BNC2: variants seen among roughly 807,000 people sequenced by gnomAD.
BNC2 encodes basonuclin zinc finger protein 2, also known as zinc finger protein basonuclin-2.
In BNC2, 20 loss-of-function variants were observed where a neutral mutation model predicts 76.3. The ratio of observed to expected loss-of-function variants is 0.26; its 90% CI spans 0.18 to 0.38. The LOEUF (loss-of-function observed/expected upper bound fraction) is 0.38, where lower values mean the gene tolerates loss of function less well. BNC2 is among the 10% of genes least tolerant of loss of function. The pLI, the probability that BNC2 is intolerant of heterozygous loss-of-function variation, is 1.00. For synonymous variants in BNC2, 582 were observed against 514.8 expected (o/e 1.13, Z -1.77); for missense variants, 1,382 against 1,399.8 (o/e 0.99, Z 0.20).
chr9:16,496,878 C>A (rs1439390972), intron 5 of BNC2, among the ~76,000 whole-genome samples: 1 of 152,236 alleles, frequency 6.6e-6, no homozygotes, highest in Admixed American at 6.5e-5. Flanking sequence ...GGGCTAGGAT[C>A]TGGAAGGTGT....
chr9:16,868,794 T>G (rs1819603717), intron 1 of BNC2, among the ~76,000 whole-genome samples: 1 of 151,432 alleles, frequency 6.6e-6, no homozygotes, highest in African/African-American at 2.4e-5. Flanking sequence ...TCACAAGGGA[T>G]TGTGTGTGTG....
intron 3 of BNC2, among the ~76,000 whole-genome samples, chr9:16,693,127 C>CG (rs758059006): frequency 1.7e-5 from 1 of 60,472 alleles, no homozygotes; most frequent in Non-Finnish European, 2.7e-5. Context: ...AAGACAGTCT[C>CG]AAAAAAAAAA....
chr9:16,699,579 T>C (rs921423183), intron 3 of BNC2, among the ~76,000 whole-genome samples: 2 of 152,234 alleles, frequency 1.3e-5, no homozygotes, highest in African/African-American at 4.8e-5. Flanking sequence ...TGTGGCACTG[T>C]TGATAAACAG....
At chr9:16,839,948 T>C (rs760064238) in intron 1 of BNC2, among the ~76,000 whole-genome samples, 3 of 152,192 alleles carry the variant, frequency 2.0e-5, no homozygotes, top group Non-Finnish European at 2.9e-5. Context: ...CTCCTTCCAA[T>C]GACCCAAGCA....
At chr9:16,789,307 G>A (rs1254964296) in intron 1 of BNC2, among the ~76,000 whole-genome samples, 1 of 151,918 alleles carries the variant, frequency 6.6e-6, no homozygotes, top group Admixed American at 6.5e-5. Flanking sequence ...GGTGGCCATG[G>A]CACTTATATC....
chr9:16,506,512 T>G, intron 5 of BNC2, among the ~76,000 whole-genome samples: 1 of 78,522 alleles, frequency 1.3e-5, no homozygotes, highest in South Asian at 6.9e-4. Context: ...CTCTCTCTCC[T>G]CTTTTTTTTT....
intron 5 of BNC2, among the ~76,000 whole-genome samples, chr9:16,478,876 A>C (rs1483615275): frequency 6.6e-6 from 1 of 152,240 alleles, no homozygotes; most frequent in African/African-American, 2.4e-5. Flanking sequence ...GAAAAGAAGC[A>C]TGACCCTGAT....
At chr9:16,489,018 T>A (rs2131606746) in intron 5 of BNC2, among the ~76,000 whole-genome samples, 1 of 152,326 alleles carries the variant, frequency 6.6e-6, no homozygotes, top group South Asian at 2.1e-4. Flanking sequence ...AATTAAAATA[T>A]GAACTTTCTA....
chr9:16,809,175 T>C (rs1817984697), intron 1 of BNC2, among the ~76,000 whole-genome samples: 1 of 152,162 alleles, frequency 6.6e-6, no homozygotes, highest in East Asian at 1.9e-4. Flanking sequence ...AAGGGCCTTG[T>C]CTCAGCGCTG....
chr9:16,757,523 G>A (rs139882798), intron 1 of BNC2, among the ~76,000 whole-genome samples: 1 of 152,302 alleles, frequency 6.6e-6, no homozygotes, highest in East Asian at 1.9e-4. Context: ...TCTGTCAAAA[G>A]TTTGGAGATA....
At chr9:16,548,168 T>G (rs1193882043) in intron 5 of BNC2, among the ~76,000 whole-genome samples, 1 of 152,180 alleles carries the variant, frequency 6.6e-6, no homozygotes, top group East Asian at 1.9e-4. Flanking sequence ...ACAGACAGGC[T>G]GGTGGATGAG....
At chr9:16,859,048 T>A (rs1270324124) in intron 1 of BNC2, among the ~76,000 whole-genome samples, 4 of 151,940 alleles carry the variant, frequency 2.6e-5, no homozygotes, top group African/African-American at 9.7e-5. Flanking sequence ...AGGACTTGAA[T>A]AGATATGTCC....
chr9:16,433,338 C>T (rs1820942277), intron 6 of BNC2, among the ~76,000 whole-genome samples: 1 of 152,092 alleles, frequency 6.6e-6, no homozygotes, highest in African/African-American at 2.4e-5. Flanking sequence ...TGTGACAAAG[C>T]TCCAAAATGA....
chr9:16,580,323 T>G (rs1030823170), intron 4 of BNC2, among the ~76,000 whole-genome samples: 1 of 152,188 alleles, frequency 6.6e-6, no homozygotes, highest in Non-Finnish European at 1.5e-5. Flanking sequence ...TTTTGAGCTG[T>G]ATACAGATAT....
At chr9:16,518,395 C>T (rs1817502278) in intron 5 of BNC2, among the ~76,000 whole-genome samples, 1 of 151,666 alleles carries the variant, frequency 6.6e-6, no homozygotes, top group African/African-American at 2.4e-5. Context: ...CCACTGCACT[C>T]CAGCCAGTGT....
intron 3 of BNC2, among the ~76,000 whole-genome samples, chr9:16,584,873 A>G (rs1465352702): frequency 1.3e-5 from 2 of 152,172 alleles, no homozygotes; most frequent in Non-Finnish European, 2.9e-5. Flanking sequence ...GAACTTTACA[A>G]ATTATCTAAT....
rs939259630 is a variant in BNC2 at position 16,417,880 on chromosome 9, C to T, written c.*1109G>A. 1 of 152,652 alleles carries T rather than the reference C, an allele frequency of 6.6e-6. No individual in the cohort carries two copies. The highest frequency in any genetic ancestry group is 1.5e-5 in the Non-Finnish European group (1 of 68,052). The allele number at this position is 152,652 out of a possible 1,614,324, so 9.5% of individuals were successfully genotyped here. A position where few individuals can be genotyped will look rare whatever the true frequency, so the allele number is the denominator to read the frequency against. ...ATGTTGATTCTAATAACATTCGGCA[C>T]TTGAAAGAATCACCAAGTGTTTTTT... On this transcript the variant is annotated 3_prime_UTR_variant, in exon 7 of 7. Transcript: ENST00000380672.
At chr9:16,690,974 A>G (rs1043149639) in intron 3 of BNC2, among the ~76,000 whole-genome samples, 1 of 152,176 alleles carries the variant, frequency 6.6e-6, no homozygotes, top group Non-Finnish European at 1.5e-5. Context: ...GCCAAAGAAC[A>G]GTGCCCTGGG....
chr9:16,730,099 A>C (rs10756795), intron 2 of BNC2, among the ~76,000 whole-genome samples: 136,390 of 151,538 alleles, frequency 0.9, 61,414 homozygotes, highest in Non-Finnish European at 0.92. Flanking sequence ...ATCCTACCCA[A>C]CACCCCACAC....
Sources: gnomAD v4.1 joint callset for allele counts (sites outside exome capture counted in the v4.1 genomes callset) on GRCh38, gnomAD v4.1.1 for gene constraint, MANE v1.5 for transcripts, NCBI Gene and HGNC (gene_info 2026-07-23, HGNC 2026-07-21) for gene names.